TSC2: variants seen among roughly 807,000 people sequenced by gnomAD.
TSC2 encodes the protein TSC complex subunit 2.
Under a neutral mutation model 202.2 loss-of-function variants are expected in TSC2, and 29 were observed. The ratio of observed to expected loss-of-function variants is 0.14; its 90% confidence interval spans 0.11 to 0.20. The LOEUF is 0.20. Among genes scored for constraint, TSC2 ranks in the 10% least tolerant of loss-of-function variants. The probability of loss-of-function intolerance (pLI) is 1.00; values close to 1 mark genes in which losing one functional copy is unlikely to be tolerated. For synonymous variants in TSC2, 1,349 were observed against 1,044.0 expected (o/e 1.29, Z -5.63); for missense variants, 2,429 against 2,420.0 (o/e 1.00, Z -0.08).
At chr16:2,069,411 G>A (rs1018608889) in intron 16 of TSC2, among the ~76,000 whole-genome samples, 3 of 152,066 alleles carry the variant, frequency 2.0e-5, no homozygotes, top group Non-Finnish European at 4.4e-5. Context: ...CCGCCTCCTG[G>A]GTTCAAGCGA....
intron 16 of TSC2, among the ~76,000 whole-genome samples, chr16:2,066,624 G>A (rs1190432955): frequency 1.3e-5 from 2 of 150,506 alleles, no homozygotes; most frequent in Non-Finnish European, 3.0e-5. Flanking sequence ...CCATCCACTC[G>A]AGCAGCATGT....
chr16:2,086,916 C>T (rs754155321), intron 38 of TSC2, 45 bp downstream of exon 38: 25 of 1,552,318 alleles, frequency 1.6e-5, no homozygotes, highest in Non-Finnish European at 2.0e-5. Context: ...GGCAGGTGCC[C>T]ACTGCTGTGT....
chr16:2,065,802 G>T (rs1334632898), intron 16 of TSC2, among the ~76,000 whole-genome samples, 167 bp downstream of exon 16: 2 of 152,206 alleles, frequency 1.3e-5, no homozygotes, highest in Non-Finnish European at 2.9e-5. Flanking sequence ...TCCTGCTCTT[G>T]TGGAGGGATG....
Position 2,088,584 on chromosome 16 carries a change from G to A in TSC2, c.5398G>A (p.Val1800Met), listed in dbSNP as rs2151642819. ...CCAGCGGAAGCGCCTCATCTCCTCG[G>A]TGGAGGACTTCACCGAGTTTGTGTG... ...VGQRKRLISSVEDFTEFV is the reference protein window; with the variant it reads ...VGQRKRLISSMEDFTEFV The change falls in exon 42 of 42, where the codon GTG (valine) becomes ATG (methionine). Residue 1800 changes from valine (V) to methionine (M), a missense_variant. By Grantham distance (21) the Val-to-Met change is conservative (BLOSUM62 1). Coordinates refer to ENST00000219476, the MANE Select transcript of TSC2 (RefSeq NM_000548.5). The A allele has an allele frequency of 6.2e-7, 1 of 1,607,084 alleles. No individual in the cohort carries two copies. Among genetic ancestry groups the A allele is most frequent in the Non-Finnish European group, 8.5e-7 (1 of 1,179,832 alleles).
At chr16:2,067,626 C>T (rs543585020) in intron 16 of TSC2, among the ~76,000 whole-genome samples, 15 of 152,220 alleles carry the variant, frequency 9.9e-5, no homozygotes, top group East Asian at 9.7e-4. Flanking sequence ...CAAAATTAGC[C>T]GGGCGTGGTG....
intron 36 of TSC2, 151 bp from the exon 37 acceptor site, chr16:2,086,042 T>C: frequency 1.1e-6 from 1 of 895,366 alleles, no homozygotes; most frequent in Non-Finnish European, 1.7e-6. Flanking sequence ...ACACCCGATG[T>C]CTGGCCTGGG....
In TSC2 at chr16:2,055,399, C is replaced by T. The variant is rs1800720; in HGVS notation, c.482-3C>T. On this transcript the variant is annotated splice_polypyrimidine_tract_variant and splice_region_variant and intron_variant, in intron 5 of 41. Transcript: ENST00000219476. ...TCGCAAACTGCCGCCGCTTCTCCCC[C>T]AGCTGACTTTGTCCTGCAGTGGATG... The T allele has an allele frequency of 0.095, 153,407 of 1,613,492 alleles. 8,382 individuals carry two copies. Among genetic ancestry groups the T allele is most frequent in the African/African-American group, 0.2 (15,009 of 74,966 alleles).
Position 2,059,532 on chromosome 16 carries a change from T to TTG in TSC2, c.975+660_975+661insGT, listed in dbSNP as rs1555500069. The stretch of plus-strand genomic sequence containing the variant: ...TGGTTTTTTTTTTTTTTTTTTTTTT[T>TTG]TAATGGGACAGAGTTTCGCTCTTAT... On this transcript the variant is annotated intron_variant, in intron 10 of 41. Coordinates refer to ENST00000219476, the MANE Select transcript of TSC2 (RefSeq NM_000548.5). 4.7e-5 allele frequency among the ~76,000 whole-genome samples: 7 copies of TTG among 147,858 alleles called. No homozygotes were observed. The East Asian group carries it at 1.4e-3, about 29-fold the overall frequency.
At position 2,076,533 on chromosome 16, in the gene TSC2, GAGA is replaced by G; in HGVS notation, c.2788_2790del (p.Lys930del). The G allele has an allele frequency of 6.2e-7, 1 of 1,613,570 alleles. No homozygotes were observed. Among genetic ancestry groups the G allele is most frequent in the Non-Finnish European group, 8.5e-7 (1 of 1,179,996 alleles). On this transcript the variant is annotated inframe_deletion, in exon 25 of 42. Transcript: ENST00000219476. ...CCTCTTGTCTTTTGATGACACCCCC[GAGA>G]AGGACAGCTTCAGGGCCCGGAGTAC...
At position 2,084,411 on chromosome 16, in the gene TSC2, A is replaced by G. The variant is rs1596416534; in HGVS notation, c.4189A>G (p.Ile1397Val). ...SSPELQTLQD[I>V]LGDPGDKADV... is the part of the protein sequence containing the mutation. ...TCCCGAGCTGCAGACTCTGCAGGAC[A>G]TCCTCGGGGACCCTGGGGACAAGGC... is the stretch of plus-strand genomic sequence containing the variant. The change falls in exon 34 of 42, where the codon ATC becomes GTC. Residue 1397 changes from isoleucine to valine, a missense_variant. By Grantham distance (29) the Ile-to-Val change is conservative. Coordinates refer to ENST00000219476, the MANE Select transcript of TSC2 (RefSeq NM_000548.5). 1.2e-6 allele frequency: 2 copies of G among 1,611,780 alleles called. No individual in the cohort carries two copies. Among genetic ancestry groups the G allele is most frequent in the Non-Finnish European group, 1.7e-6 (2 of 1,179,648 alleles).
Position 2,063,501 on chromosome 16 carries a change from G to T in TSC2, c.1443+448G>T. 1.4e-5 allele frequency: 4 copies of T among 285,902 alleles called. No individual in the cohort carries two copies. In the South Asian group the frequency reaches 1.4e-4, roughly 10 times the overall value. The allele number at this position is 285,902 out of a possible 1,614,324, so 17.7% of individuals were successfully genotyped here. A position where few individuals can be genotyped will look rare whatever the true frequency, so the allele number is the denominator to read the frequency against. On this transcript the variant is annotated intron_variant, in intron 14 of 41. Coordinates refer to ENST00000219476, the MANE Select transcript of TSC2 (RefSeq NM_000548.5). ...CTCCTCTGGGAGCTCTGTGGCCCCA[G>T]GCCCACCTTCCTTGAGAGACATTTG...
Position 2,084,939 on chromosome 16 carries a change from C to CT in TSC2, c.4494-11dup, listed in dbSNP as rs770333078. On this transcript the variant is annotated splice_polypyrimidine_tract_variant and intron_variant, in intron 34 of 41. Coordinates refer to ENST00000219476, the MANE Select transcript of TSC2 (RefSeq NM_000548.5). Reference sequence around the variant, plus strand: ...CCCTCACCTGGGTGCCCACCATCCCCTCCCTGTGCAGTTTCGTGTTCCTGC... The same window carrying CT: ...CCCTCACCTGGGTGCCCACCATCCCCTTCCCTGTGCAGTTTCGTGTTCCTGC... The CT allele has an allele frequency of 3.7e-6, 6 of 1,613,262 alleles. No homozygotes were observed. The Admixed American group carries it at 6.7e-5, about 18-fold the overall frequency.
At position 2,077,473 on chromosome 16, in the gene TSC2, C is replaced by A; in HGVS notation, c.2838-125C>A. On this transcript the variant is annotated intron_variant, in intron 25 of 41. Transcript: ENST00000219476. The stretch of plus-strand genomic sequence containing the variant: ...CATGGCTCTTTTTGCTCATCTCACC[C>A]GCGGGATCTCTCCATCCTGACCCTG... The A allele has an allele frequency of 6.9e-7, 1 of 1,446,382 alleles. No individual in the cohort carries two copies. The allele number at this position is 1,446,382 out of a possible 1,614,324, so 89.6% of individuals were successfully genotyped here. A position where few individuals can be genotyped will look rare whatever the true frequency, so the allele number is the denominator to read the frequency against.
rs45517208 is a variant in TSC2 at position 2,071,868 on chromosome 16, C to T, written c.2031C>T (p.Pro677=). The part of the protein sequence containing the change: ...TGPPGPAPAG[P]AVRLGSVPYS... Reference sequence around the variant, plus strand: ...CTCCTGGCCCGGCGCCTGCAGGCCCCGCCGTGCGGCTGGGGTCCGTGCCCT... The same window carrying T: ...CTCCTGGCCCGGCGCCTGCAGGCCCTGCCGTGCGGCTGGGGTCCGTGCCCT... Residue 677 remains proline, a synonymous_variant, in exon 19 of 42, where the codon CCC becomes CCT. Coordinates refer to ENST00000219476, the MANE Select transcript of TSC2 (RefSeq NM_000548.5). 5.9e-3 allele frequency: 9,375 copies of T among 1,593,286 alleles called. 37 individuals are homozygous for T. Among genetic ancestry groups the T allele is most frequent in the Non-Finnish European group, 7.6e-3 (8,910 of 1,170,596 alleles).
chr16:2,074,649 C>G (rs1277700361), intron 22 of TSC2: 1 of 552,624 alleles, frequency 1.8e-6, no homozygotes, highest in South Asian at 2.0e-5. Flanking sequence ...CAGTGGCCCT[C>G]CCCTGGTTTT....
intron 2 of TSC2, among the ~76,000 whole-genome samples, chr16:2,049,061 T>G (rs2084748659): frequency 6.6e-6 from 1 of 152,116 alleles, no homozygotes; most frequent in Non-Finnish European, 1.5e-5. Context: ...TGATAAGATG[T>G]GAGTTCCTGG....
At chr16:2,062,694 G>T in intron 13 of TSC2, 94 bp downstream of exon 13, 1 of 1,318,840 alleles carries the variant, frequency 7.6e-7, no homozygotes, top group Admixed American at 2.0e-5. Context: ...TGCCCGATGA[G>T]CAGGGCCCTC....
At position 2,067,255 on chromosome 16, in the gene TSC2, A is replaced by C. The variant is rs186381253; in HGVS notation, c.1716+1620A>C. Among the ~76,000 whole-genome samples, 855 of 152,000 alleles carry C rather than the reference A, an allele frequency of 5.6e-3. 11 individuals carry two copies. Among genetic ancestry groups the C allele is most frequent in the Non-Finnish European group, 7.5e-3 (509 of 67,948 alleles). ...CTCAGTGCAGCCTTGAACTCCTGTG[A>C]CCAAGTGATCGTCCTGCCTCGGAGG... is the stretch of plus-strand genomic sequence containing the variant. On this transcript the variant is annotated intron_variant, in intron 16 of 41. Coordinates refer to ENST00000219476, the MANE Select transcript of TSC2 (RefSeq NM_000548.5).
intron 36 of TSC2, among the ~76,000 whole-genome samples, chr16:2,085,928 G>A (rs145236904): frequency 3.9e-5 from 6 of 152,356 alleles, no homozygotes; most frequent in Admixed American, 2.6e-4. Flanking sequence ...CCTGGGGGCA[G>A]GCTGCTGAGG....
Sources: allele counts gnomAD v4.1 joint callset (sites outside exome capture counted in the v4.1 genomes callset), GRCh38; gene constraint gnomAD v4.1.1; transcripts MANE v1.5; gene names NCBI Gene and HGNC (gene_info 2026-07-23, HGNC 2026-07-21).